Variants in MARCHF11 observed in about 807,000 individuals in gnomAD.
The protein encoded by MARCHF11 is membrane associated ring-CH-type finger 11.
In MARCHF11, 29 loss-of-function variants were observed where a neutral mutation model predicts 37.3. The observed-to-expected ratio is 0.78, with a 90% CI of 0.58 to 1.06. The LOEUF (loss-of-function observed/expected upper bound fraction) is 1.06. Among genes scored for constraint, MARCHF11 ranks in the 50% least tolerant of loss-of-function variants. The probability of loss-of-function intolerance (pLI) is 0.00; values close to 1 mark genes in which losing one functional copy is unlikely to be tolerated. For missense variants in MARCHF11, 482 were observed against 533.4 expected (o/e 0.90, Z 0.95); for synonymous variants, 233 against 228.0 (o/e 1.02, Z -0.20).
rs561011426 is a variant in MARCHF11 at position 16,079,641 on chromosome 5, C to T, written c.886+11248G>A. ...TGCTCAGTCATGCCCAGTGATTCTGCAGGGGGCTCAGCCTCCTCTCCCCAG... is the reference window on the plus strand; with the variant it reads ...TGCTCAGTCATGCCCAGTGATTCTGTAGGGGGCTCAGCCTCCTCTCCCCAG... On this transcript the variant is annotated intron_variant, in intron 3 of 3. Coordinates refer to ENST00000332432, the MANE Select transcript of MARCHF11 (RefSeq NM_001102562.3). Among the ~76,000 whole-genome samples, 3 of 152,288 alleles carry T rather than the reference C, an allele frequency of 2.0e-5. No homozygotes were observed. In the South Asian group the frequency reaches 6.2e-4, roughly 32 times the overall value.
chr5:16,068,177 C>T (rs1200437494), intron 3 of MARCHF11, among the ~76,000 whole-genome samples: 1 of 152,154 alleles, frequency 6.6e-6, no homozygotes, highest in Admixed American at 6.5e-5. Context: ...GGCTTGAACC[C>T]AGCTGGCAGT....
chr5:16,099,318 T>G (rs1579380477), intron 2 of MARCHF11, among the ~76,000 whole-genome samples: 1 of 152,212 alleles, frequency 6.6e-6, no homozygotes, highest in South Asian at 2.1e-4. Context: ...ATATATTTAG[T>G]GTTTCAAATT....
chr5:16,079,123 T>C (rs560774863), intron 3 of MARCHF11, among the ~76,000 whole-genome samples: 1 of 152,284 alleles, frequency 6.6e-6, no homozygotes, highest in African/African-American at 2.4e-5. Flanking sequence ...TCAGGGTCCA[T>C]GTGGATGGCT....
chr5:16,087,141 T>A (rs543111725), intron 3 of MARCHF11, among the ~76,000 whole-genome samples: 3 of 152,326 alleles, frequency 2.0e-5, no homozygotes, highest in Admixed American at 2.0e-4. Flanking sequence ...CCAGATATAA[T>A]CTCTTTACAT....
At chr5:16,149,730 G>A (rs747067668) in intron 2 of MARCHF11, among the ~76,000 whole-genome samples, 9 of 151,968 alleles carry the variant, frequency 5.9e-5, no homozygotes, top group African/African-American at 1.7e-4. Flanking sequence ...CTTGTGCTTC[G>A]ACCATCTCCT....
At chr5:16,139,368 G>C (rs1385365909) in intron 2 of MARCHF11, among the ~76,000 whole-genome samples, 1 of 152,184 alleles carries the variant, frequency 6.6e-6, no homozygotes, top group African/African-American at 2.4e-5. Context: ...CTTCAGCCAT[G>C]ATTGTGAGGC....
At chr5:16,090,602 C>G (rs1188546793) in intron 3 of MARCHF11, among the ~76,000 whole-genome samples, 1 of 152,100 alleles carries the variant, frequency 6.6e-6, no homozygotes, top group East Asian at 1.9e-4. Flanking sequence ...ATCCTTATAT[C>G]ACTCACTCCA....
chr5:16,177,001 C>T (rs1004748356), intron 2 of MARCHF11, among the ~76,000 whole-genome samples: 2 of 152,078 alleles, frequency 1.3e-5, no homozygotes, highest in East Asian at 3.8e-4. Context: ...GTTCAAAGAA[C>T]CTGAATCTGT....
intron 2 of MARCHF11, among the ~76,000 whole-genome samples, chr5:16,171,179 T>C (rs1407104851): frequency 2.0e-5 from 3 of 152,116 alleles, no homozygotes; most frequent in Non-Finnish European, 4.4e-5. Context: ...TATGTATACA[T>C]GTGCCATGCT....
intron 3 of MARCHF11, among the ~76,000 whole-genome samples, chr5:16,083,159 C>T (rs976733937): frequency 2.6e-5 from 4 of 152,112 alleles, no homozygotes; most frequent in Non-Finnish European, 5.9e-5. Flanking sequence ...CTGAGATGCA[C>T]GGGGCTGTTG....
chr5:16,138,488 A>C (rs907021188), intron 2 of MARCHF11, among the ~76,000 whole-genome samples: 2 of 152,100 alleles, frequency 1.3e-5, no homozygotes, highest in African/African-American at 4.8e-5. Flanking sequence ...CTCATGGAGA[A>C]CCTCTGCTAG....
chr5:16,135,669 C>A (rs1393605182), intron 2 of MARCHF11, among the ~76,000 whole-genome samples: 1 of 152,024 alleles, frequency 6.6e-6, no homozygotes, highest in African/African-American at 2.4e-5. Context: ...ACATAGATGG[C>A]AATGCCAGAT....
chr5:16,120,886 A>G (rs1195845009), intron 2 of MARCHF11, among the ~76,000 whole-genome samples: 1 of 152,196 alleles, frequency 6.6e-6, no homozygotes, highest in Admixed American at 6.5e-5. Flanking sequence ...AGAGATATGC[A>G]CGAGCCCAGT....
At position 16,173,625 on chromosome 5, in the gene MARCHF11, AG is replaced by A. The variant is rs1001403594; in HGVS notation, c.693+4100del. Among the ~76,000 whole-genome samples, 46 of 152,248 alleles carry A rather than the reference AG, an allele frequency of 3.0e-4. 1 individual carries two copies. Among genetic ancestry groups the A allele is most frequent in the African/African-American group, 1.1e-3 (44 of 41,466 alleles). ...ACTGAGGTGGGATCCCAGAAAAAGC[AG>A]GGAATAAAAATCCAAGAGTAAAGAA... On this transcript the variant is annotated intron_variant, in intron 2 of 3. Coordinates refer to ENST00000332432, the MANE Select transcript of MARCHF11 (RefSeq NM_001102562.3).
At chr5:16,097,508 G>A (rs1280395426) in intron 2 of MARCHF11, among the ~76,000 whole-genome samples, 2 of 152,150 alleles carry the variant, frequency 1.3e-5, no homozygotes, top group Admixed American at 1.3e-4. Flanking sequence ...TTAAATGAAA[G>A]AGGAATATAA....
Position 16,179,753 on chromosome 5 carries a change from G to T in MARCHF11, c.-178C>A, listed in dbSNP as rs1317983693. On this transcript the variant is annotated 5_prime_UTR_variant, in exon 1 of 4. Coordinates refer to ENST00000332432, the MANE Select transcript of MARCHF11 (RefSeq NM_001102562.3). ...GGAAGGTTCTGCAGCTGCGGCGGCG[G>T]CAGGCGCGGCCGTTCGGTGGAGCCG... The T allele has an allele frequency of 9.8e-6, 3 of 306,652 alleles. No homozygotes were observed. Among genetic ancestry groups the T allele is most frequent in the Non-Finnish European group, 1.6e-5 (3 of 184,622 alleles). The allele number at this position is 306,652 out of a possible 1,614,324, so 19.0% of individuals were successfully genotyped here. A position where few individuals can be genotyped will look rare whatever the true frequency, so the allele number is the denominator to read the frequency against.
intron 2 of MARCHF11, among the ~76,000 whole-genome samples, chr5:16,091,612 T>C: frequency 6.6e-6 from 1 of 152,226 alleles, no homozygotes; most frequent in East Asian, 1.9e-4. Flanking sequence ...AAGTATAAAA[T>C]TGTACATTAT....
At chr5:16,098,372 T>C (rs1051368153) in intron 2 of MARCHF11, among the ~76,000 whole-genome samples, 4 of 152,218 alleles carry the variant, frequency 2.6e-5, no homozygotes, top group African/African-American at 9.6e-5. Flanking sequence ...ACTTTAAAAC[T>C]GTCTCTCTTT....
chr5:16,163,554 T>C (rs1738121737), intron 2 of MARCHF11, among the ~76,000 whole-genome samples: 1 of 152,008 alleles, frequency 6.6e-6, no homozygotes, highest in Non-Finnish European at 1.5e-5. Context: ...AATCCAACTA[T>C]ATGCTTTTTG....
Sources: gnomAD v4.1 joint callset for allele counts (sites outside exome capture counted in the v4.1 genomes callset) on GRCh38, gnomAD v4.1.1 for gene constraint, MANE v1.5 for transcripts, NCBI Gene and HGNC (gene_info 2026-07-23, HGNC 2026-07-21) for gene names.